The following SPAG16 variants were observed in gnomAD, a reference collection of about 807,000 sequenced individuals.
SPAG16 encodes sperm associated antigen 16.
A neutral mutation model predicts 80.4 loss-of-function variants in SPAG16; 86 were observed. The observed-to-expected ratio is 1.07, with a 90% CI of 0.90 to 1.28. The LOEUF is 1.28. SPAG16 is among the 50% of genes most tolerant of loss of function. The pLI is 0.00. For synonymous variants in SPAG16, 294 were observed against 265.9 expected, an observed-to-expected ratio of 1.11 and a Z score of -1.03; for missense variants, 870 against 765.3, an observed-to-expected ratio of 1.14 and a Z score of -1.61.
chr2:213,383,277 C>T (rs7420024), intron 9 of SPAG16, among the ~76,000 whole-genome samples: 1 of 152,016 alleles, frequency 6.6e-6, no homozygotes, highest in Non-Finnish European at 1.5e-5. Flanking sequence ...GATATTATTC[C>T]TATTATTATA....
chr2:213,982,948 C>G (rs1369062439), intron 12 of SPAG16, among the ~76,000 whole-genome samples: 2 of 151,956 alleles, frequency 1.3e-5, no homozygotes, highest in East Asian at 3.9e-4. Flanking sequence ...ATTTAAAATA[C>G]TTGCCTGAAA....
At chr2:213,391,329 A>G (rs1485635603) in intron 9 of SPAG16, among the ~76,000 whole-genome samples, 1 of 152,254 alleles carries the variant, frequency 6.6e-6, no homozygotes, top group Non-Finnish European at 1.5e-5. Flanking sequence ...ATTTTAGCTT[A>G]TAACTTATCC....
chr2:213,313,299 T>C (rs563978089), intron 4 of SPAG16, among the ~76,000 whole-genome samples: 2 of 152,028 alleles, frequency 1.3e-5, no homozygotes, highest in East Asian at 3.9e-4. Context: ...ATTAATAACA[T>C]GTTTATTAAA....
chr2:214,069,297 T>C (rs760687310), intron 13 of SPAG16, among the ~76,000 whole-genome samples: 6 of 152,196 alleles, frequency 3.9e-5, no homozygotes, highest in Non-Finnish European at 1.5e-5. Context: ...CATTTTGTTA[T>C]TGGCAGTCTG....
intron 12 of SPAG16, among the ~76,000 whole-genome samples, chr2:213,998,080 G>A (rs1342884342): frequency 1.3e-5 from 2 of 152,126 alleles, no homozygotes; most frequent in Admixed American, 1.3e-4. Flanking sequence ...ATCAATTATT[G>A]TGCCCTTTTT....
intron 15 of SPAG16, chr2:214,281,198 T>C: frequency 3.0e-6 from 1 of 330,068 alleles, no homozygotes; most frequent in Admixed American, 3.4e-5. Context: ...AAGCCAACCT[T>C]CACGCCATAT....
chr2:213,323,413 C>A (rs549304284), intron 5 of SPAG16, among the ~76,000 whole-genome samples: 1 of 150,830 alleles, frequency 6.6e-6, no homozygotes, highest in African/African-American at 2.4e-5. Context: ...TGCACTCCAG[C>A]CTAGGCGACA....
chr2:213,410,355 T>G (rs2068894860), intron 9 of SPAG16, among the ~76,000 whole-genome samples: 1 of 152,192 alleles, frequency 6.6e-6, no homozygotes, highest in South Asian at 2.1e-4. Flanking sequence ...AGTTTTCTAT[T>G]TCAGAAAAGG....
At chr2:213,741,164 G>T (rs2067533813) in intron 10 of SPAG16, among the ~76,000 whole-genome samples, 1 of 152,100 alleles carries the variant, frequency 6.6e-6, no homozygotes, top group South Asian at 2.1e-4. Context: ...GGTAAAGTAA[G>T]AATATATGAT....
At chr2:213,439,222 C>T (rs1559134307) in intron 9 of SPAG16, among the ~76,000 whole-genome samples, 1 of 152,126 alleles carries the variant, frequency 6.6e-6, no homozygotes, top group Non-Finnish European at 1.5e-5. Context: ...TACTCAGTAA[C>T]ATAAAATTGA....
At chr2:213,744,644 G>A (rs2125465354) in intron 10 of SPAG16, among the ~76,000 whole-genome samples, 1 of 152,256 alleles carries the variant, frequency 6.6e-6, no homozygotes, top group East Asian at 1.9e-4. Flanking sequence ...TCAATGGGAA[G>A]TATTAGGAAC....
At chr2:213,531,635 G>A (rs915285443) in intron 10 of SPAG16, among the ~76,000 whole-genome samples, 12 of 151,932 alleles carry the variant, frequency 7.9e-5, no homozygotes, top group Non-Finnish European at 1.6e-4. Context: ...AAGATATATG[G>A]ATCTTTTTCT....
Position 213,378,111 on chromosome 2 carries a change from G to T in SPAG16, c.942+2992G>T, listed in dbSNP as rs74857996. On this transcript the variant is annotated intron_variant, in intron 9 of 15. Coordinates refer to ENST00000331683, the MANE Select transcript of SPAG16 (RefSeq NM_024532.5). The stretch of plus-strand genomic sequence containing the variant: ...TCCAGCATGGAGAAAGATGTAGGCT[G>T]GGAGGCTAGGCCAGTCTGGTCTTTT... Among the ~76,000 whole-genome samples the T allele has an allele frequency of 3.4e-4, 51 of 152,148 alleles. 1 individual carries two copies. In the East Asian group the frequency reaches 9.9e-3, roughly 29 times the overall value.
chr2:213,954,130 G>T (rs1158949148), intron 12 of SPAG16, among the ~76,000 whole-genome samples: 1 of 143,548 alleles, frequency 7.0e-6, no homozygotes, highest in Non-Finnish European at 1.5e-5. Flanking sequence ...CTCATAAAGA[G>T]TCACTCCTAT....
At chr2:213,348,445 A>G (rs148289037) in intron 6 of SPAG16, among the ~76,000 whole-genome samples, 3,636 of 152,208 alleles carry the variant, frequency 0.024, 60 homozygotes, top group African/African-American at 0.039. Flanking sequence ...TATTTTGCTC[A>G]TTAGTTGATG....
At chr2:214,009,958 A>G (rs1417995225) in intron 12 of SPAG16, among the ~76,000 whole-genome samples, 1 of 148,224 alleles carries the variant, frequency 6.7e-6, no homozygotes, top group African/African-American at 2.7e-5. Context: ...TAAAACTCCA[A>G]ATTTCAGTGA....
At chr2:214,258,772 G>T (rs568995527) in intron 15 of SPAG16, among the ~76,000 whole-genome samples, 28 of 151,680 alleles carry the variant, frequency 1.8e-4, no homozygotes, top group African/African-American at 6.5e-4. Context: ...ATCTTCAGCC[G>T]CCTTCCTTTC....
chr2:213,434,377 C>T (rs545115028), intron 9 of SPAG16, among the ~76,000 whole-genome samples: 2 of 152,152 alleles, frequency 1.3e-5, no homozygotes, highest in Admixed American at 6.5e-5. Context: ...TAGAAAAAGA[C>T]CTAGGAAAAA....
intron 15 of SPAG16, among the ~76,000 whole-genome samples, chr2:214,199,094 C>T (rs909382806): frequency 6.6e-6 from 1 of 152,016 alleles, no homozygotes; most frequent in Non-Finnish European, 1.5e-5. Flanking sequence ...TGTGCGGAGG[C>T]TTTTTCATTT....
Sources: gnomAD v4.1 joint callset for allele counts (sites outside exome capture counted in the v4.1 genomes callset) on GRCh38, gnomAD v4.1.1 for gene constraint, MANE v1.5 for transcripts, NCBI Gene and HGNC (gene_info 2026-07-23, HGNC 2026-07-21) for gene names.